RALGAPA2: variants seen among roughly 807,000 people sequenced by gnomAD.
The protein encoded by RALGAPA2 is ral GTPase-activating protein subunit alpha-2.
In RALGAPA2, 139 loss-of-function variants were observed where a neutral mutation model predicts 230.4. That is an observed-to-expected ratio of 0.60 (90% CI 0.53 to 0.69). The LOEUF is 0.69. RALGAPA2 is among the 30% of genes least tolerant of loss of function. RALGAPA2 has a pLI of 0.00. For missense variants in RALGAPA2, 2,163 were observed against 2,276.0 expected, an observed-to-expected ratio of 0.95 and a Z score of 1.01; for synonymous variants, 847 against 837.8, an observed-to-expected ratio of 1.01 and a Z score of -0.19.
At chr20:20,680,593 GA>G in intron 2 of RALGAPA2, 97 bp downstream of exon 2, 1 of 1,398,818 alleles carries the variant, frequency 7.1e-7, no homozygotes, top group Non-Finnish European at 9.3e-7. Flanking sequence ...GGCTTGGCAA[GA>G]AAGAAAGCTT....
chr20:20,449,497 C>G (rs1375463760), intron 37 of RALGAPA2, among the ~76,000 whole-genome samples: 1 of 152,164 alleles, frequency 6.6e-6, no homozygotes, highest in Non-Finnish European at 1.5e-5. Context: ...AAAACAGATG[C>G]AAAATGTCAG....
chr20:20,656,934 T>C (rs1308353496), intron 3 of RALGAPA2, among the ~76,000 whole-genome samples: 1 of 152,192 alleles, frequency 6.6e-6, no homozygotes, highest in Non-Finnish European at 1.5e-5. Context: ...GGAGATGGCC[T>C]GGGGATCACC....
At chr20:20,677,796 A>C (rs1016143720) in intron 2 of RALGAPA2, among the ~76,000 whole-genome samples, 5 of 151,498 alleles carry the variant, frequency 3.3e-5, no homozygotes, top group Non-Finnish European at 7.4e-5. Flanking sequence ...GGCGCCTGCC[A>C]CCACACCCGG....
At chr20:20,590,535 T>C (rs1173850219) in intron 17 of RALGAPA2, among the ~76,000 whole-genome samples, 1 of 152,024 alleles carries the variant, frequency 6.6e-6, no homozygotes, top group Non-Finnish European at 1.5e-5. Flanking sequence ...AGAATAACTA[T>C]TTCCAATGAT....
intron 16 of RALGAPA2, among the ~76,000 whole-genome samples, chr20:20,596,752 A>G (rs928856366): frequency 1.3e-4 from 20 of 152,252 alleles, no homozygotes; most frequent in African/African-American, 4.8e-4. Flanking sequence ...GACCGAGCCC[A>G]GGCCACTTGA....
chr20:20,659,724 C>T, intron 3 of RALGAPA2: 1 of 676,738 alleles, frequency 1.5e-6, no homozygotes, highest in Admixed American at 2.1e-5. Flanking sequence ...ACAAGTTATA[C>T]ACCTTGAAAG....
chr20:20,658,108 T>C (rs2067651789), intron 3 of RALGAPA2, among the ~76,000 whole-genome samples: 1 of 152,208 alleles, frequency 6.6e-6, no homozygotes. Flanking sequence ...CACTTCTGGG[T>C]AAGTTTTCAG....
intron 36 of RALGAPA2, among the ~76,000 whole-genome samples, chr20:20,489,126 ATTAAAACATAAAGAT>A (rs1229144789): frequency 6.6e-6 from 1 of 152,212 alleles, no homozygotes. Context: ...ATGTTCCACA[ATTAAAACATAAAGAT>A]TTAAAAACTG....
At chr20:20,626,148 G>A (rs913251753) in intron 10 of RALGAPA2, among the ~76,000 whole-genome samples, 1 of 152,044 alleles carries the variant, frequency 6.6e-6, no homozygotes, top group Non-Finnish European at 1.5e-5. Flanking sequence ...TATAATAACC[G>A]TTAGGCTTAA....
At chr20:20,592,302 T>A (rs2065315275) in intron 16 of RALGAPA2, among the ~76,000 whole-genome samples, 1 of 152,184 alleles carries the variant, frequency 6.6e-6, no homozygotes, top group African/African-American at 2.4e-5. Flanking sequence ...AGGCTTTCCT[T>A]GATCTCACGG....
chr20:20,571,897 G>A lies in RALGAPA2; in HGVS notation c.2951C>T (p.Pro984Leu), dbSNP rs758926516. The change falls in exon 22 of 40, where the codon CCT becomes CTT. Residue 984 changes from proline to leucine, a missense_variant. Coordinates refer to ENST00000202677, the MANE Select transcript of RALGAPA2 (RefSeq NM_020343.4). Reference sequence around the variant, plus strand: ...TCTGAGTGGTGGGATCAAAACTGGAGGAGATGGAGAAGACTGGTTATCCAG... The same window carrying A: ...TCTGAGTGGTGGGATCAAAACTGGAAGAGATGGAGAAGACTGGTTATCCAG... ...ISLDNQSSPS[P>L]PVLIPPLRMF... 6 of 1,611,900 alleles carry A rather than the reference G, an allele frequency of 3.7e-6. No homozygotes were observed. The Admixed American group carries it at 5.0e-5, about 13-fold the overall frequency.
At chr20:20,704,087 G>A (rs1458207160) in intron 1 of RALGAPA2, among the ~76,000 whole-genome samples, 1 of 152,120 alleles carries the variant, frequency 6.6e-6, no homozygotes, top group East Asian at 1.9e-4. Flanking sequence ...TAAGAAAACT[G>A]GCTCAGCAAA....
chr20:20,581,032 C>A (rs552887563), intron 20 of RALGAPA2, among the ~76,000 whole-genome samples: 1 of 152,294 alleles, frequency 6.6e-6, no homozygotes, highest in South Asian at 2.1e-4. Context: ...TAAGCCTTAT[C>A]ACATTACAGT....
At chr20:20,467,566 G>A (rs924841098) in intron 37 of RALGAPA2, among the ~76,000 whole-genome samples, 2 of 147,308 alleles carry the variant, frequency 1.4e-5, no homozygotes, top group African/African-American at 5.3e-5. Flanking sequence ...AAGAGCCATT[G>A]ATTGATTGAT....
chr20:20,687,548 C>T (rs572266127), intron 1 of RALGAPA2, among the ~76,000 whole-genome samples: 11 of 152,126 alleles, frequency 7.2e-5, no homozygotes, highest in African/African-American at 2.7e-4. Context: ...TGAGAAAATT[C>T]ATGAAAAGCT....
In RALGAPA2 at chr20:20,712,605, C is replaced by CTG; in HGVS notation, c.-126_-125insCA. 1 of 1,114,456 alleles carries CTG rather than the reference C, an allele frequency of 9.0e-7. No homozygotes were observed. Among genetic ancestry groups the CTG allele is most frequent in the Non-Finnish European group, 1.1e-6 (1 of 897,046 alleles). 69.0% of individuals were successfully genotyped at this position (1,114,456 alleles called of 1,614,324 possible). On this transcript the variant is annotated 5_prime_UTR_variant, in exon 1 of 40. Coordinates refer to ENST00000202677, the MANE Select transcript of RALGAPA2 (RefSeq NM_020343.4). This position sits in a 1 kb window ranked among gnomAD's most constrained non-coding sequence, Gnocchi z 5.5. ...CTCGCCGCCCCCAGCCCCGCTGCTG[C>CTG]CGCCGCCGCCGCCGCCGCCGCCGCC...
At chr20:20,627,590 G>A (rs944426750) in intron 10 of RALGAPA2, among the ~76,000 whole-genome samples, 1 of 152,102 alleles carries the variant, frequency 6.6e-6, no homozygotes, top group African/African-American at 2.4e-5. Context: ...GTAAACTTGT[G>A]CCCTGTCTTC....
At chr20:20,411,796 C>A (rs996859109) in intron 38 of RALGAPA2, among the ~76,000 whole-genome samples, 1 of 152,176 alleles carries the variant, frequency 6.6e-6, no homozygotes, top group Non-Finnish European at 1.5e-5. Flanking sequence ...AGTTCATTAA[C>A]CTTGCTAGAT....
chr20:20,680,017 A>T (rs892197685), intron 2 of RALGAPA2, among the ~76,000 whole-genome samples: 2 of 152,202 alleles, frequency 1.3e-5, no homozygotes. Context: ...TATGTGTCAA[A>T]CTCTGTCCTA....
Sources: gnomAD v4.1 joint callset for allele counts (sites outside exome capture counted in the v4.1 genomes callset) on GRCh38, gnomAD v4.1.1 for gene constraint, Gnocchi (gnomAD v3.1) non-coding constraint, MANE v1.5 for transcripts, NCBI Gene and HGNC (gene_info 2026-07-23, HGNC 2026-07-21) for gene names.